Variants in TFCP2 observed in about 807,000 individuals in gnomAD.
TFCP2 encodes alpha-globin transcription factor CP2.
A neutral mutation model predicts 73.4 loss-of-function variants in TFCP2; 33 were observed. The observed-to-expected ratio is 0.45, with a 90% confidence interval of 0.34 to 0.60. TFCP2 has a LOEUF of 0.60. Among genes scored for constraint, TFCP2 ranks in the 20% least tolerant of loss-of-function variants. The probability of loss-of-function intolerance (pLI) is 0.01; values close to 1 mark genes in which losing one functional copy is unlikely to be tolerated. For missense variants in TFCP2, 352 were observed against 604.0 expected (o/e 0.58, Z 4.37); for synonymous variants, 193 against 211.6 (o/e 0.91, Z 0.76).
intron 1 of TFCP2, among the ~76,000 whole-genome samples, chr12:51,160,076 T>A (rs1480312242): frequency 1.3e-5 from 2 of 151,208 alleles, no homozygotes; most frequent in Admixed American, 6.6e-5. Context: ...ATCTTGGTGG[T>A]GGGGAGACAG....
rs202205153 is a variant in TFCP2 at position 51,115,242 on chromosome 12, CCTGGGT to C, written c.457+1067_457+1072del. ...TCACACCATTCTCCTGCCTCAGCCT[CCTGGGT>C]AGCTGGGACTACAGGCGCCCGCCAC... is the stretch of plus-strand genomic sequence containing the variant. On this transcript the variant is annotated intron_variant, in intron 4 of 14. Transcript: ENST00000257915. Among the ~76,000 whole-genome samples, 92 of 151,414 alleles carry C rather than the reference CCTGGGT, an allele frequency of 6.1e-4. 1 individual carries two copies. In the East Asian group the frequency reaches 0.017, roughly 27 times the overall value.
intron 1 of TFCP2, among the ~76,000 whole-genome samples, chr12:51,157,904 C>A (rs980118329): frequency 6.6e-6 from 1 of 152,012 alleles, no homozygotes; most frequent in African/African-American, 2.4e-5. Flanking sequence ...TCTCGAACTC[C>A]TGACCTCAGG....
chr12:51,139,513 G>A (rs1941141283), intron 1 of TFCP2, among the ~76,000 whole-genome samples: 1 of 151,942 alleles, frequency 6.6e-6, no homozygotes, highest in Non-Finnish European at 1.5e-5. Flanking sequence ...AAGTAGCTAG[G>A]ACTATAGGCA....
At chr12:51,132,355 G>GTTTTTTTT (rs1276335598) in intron 1 of TFCP2, among the ~76,000 whole-genome samples, 47 of 21,418 alleles carry the variant, frequency 2.2e-3, no homozygotes, top group Non-Finnish European at 3.6e-3. Context: ...TTAGGGATTA[G>GTTTTTTTT]TCTTTTTTTT....
rs1940124790 is a variant in TFCP2 at position 51,102,159 on chromosome 12, G to A, written c.1061-134C>T. The A allele has an allele frequency of 1.1e-5, 7 of 639,980 alleles. 1 individual carries two copies. In the South Asian group the frequency reaches 1.4e-4, roughly 13 times the overall value. 39.6% of individuals were successfully genotyped at this position (639,980 alleles called of 1,614,324 possible). A position where few individuals can be genotyped will look rare whatever the true frequency, so the allele number is the denominator to read the frequency against. ...CATAATTTTCTTCATGGCATATAAG[G>A]CCCTTCATGACCTGGCTCCTAGCTC... On this transcript the variant is annotated intron_variant, in intron 10 of 14. Transcript: ENST00000257915.
intron 1 of TFCP2, among the ~76,000 whole-genome samples, chr12:51,138,827 G>T (rs1279838157): frequency 2.6e-5 from 4 of 152,000 alleles, no homozygotes; most frequent in Admixed American, 2.0e-4. Context: ...CACTAGAGAC[G>T]GGGTTTCTCC....
chr12:51,164,619 T>G (rs1212211558), intron 1 of TFCP2, among the ~76,000 whole-genome samples: 1 of 134,002 alleles, frequency 7.5e-6, no homozygotes, highest in Non-Finnish European at 1.7e-5. Flanking sequence ...AAAAAAGTAA[T>G]TAACAAACTC....
At position 51,153,029 on chromosome 12, in the gene TFCP2, G is replaced by T. The variant is rs574458062; in HGVS notation, c.122+19272C>A. Among the ~76,000 whole-genome samples, 72 of 152,292 alleles carry T rather than the reference G, an allele frequency of 4.7e-4. 1 individual carries two copies. The South Asian group carries it at 0.013, about 28-fold the overall frequency. ...GAGGGATCAGGACTTGGGCAAAGGA[G>T]AACTATTTGCATTCTTTTTGTTTTC... On this transcript the variant is annotated intron_variant, in intron 1 of 14. Transcript: ENST00000257915.
chr12:51,118,922 G>T, intron 1 of TFCP2, 150 bp from the exon 2 acceptor site: 1 of 857,716 alleles, frequency 1.2e-6, no homozygotes, highest in Non-Finnish European at 1.8e-6. Context: ...TAGATTACCT[G>T]CTGTGATATC....
chr12:51,148,712 A>AAAAAG (rs1555254966), intron 1 of TFCP2, among the ~76,000 whole-genome samples: 2 of 149,178 alleles, frequency 1.3e-5, no homozygotes, highest in Non-Finnish European at 3.0e-5. Flanking sequence ...AAAAAAAAAA[A>AAAAAG]AAAGAAAAAG....
chr12:51,134,930 G>A (rs1592817188), intron 1 of TFCP2, among the ~76,000 whole-genome samples: 1 of 152,012 alleles, frequency 6.6e-6, no homozygotes, highest in East Asian at 1.9e-4. Flanking sequence ...GCAACATAGT[G>A]GGACCTTGTC....
At chr12:51,118,351 G>C (rs1940582948) in intron 2 of TFCP2, among the ~76,000 whole-genome samples, 1 of 152,120 alleles carries the variant, frequency 6.6e-6, no homozygotes, top group Admixed American at 6.5e-5. Context: ...TCAGGAGATC[G>C]AGACCATCCT....
At chr12:51,164,580 C>T (rs1479453121) in intron 1 of TFCP2, among the ~76,000 whole-genome samples, 1 of 132,554 alleles carries the variant, frequency 7.5e-6, no homozygotes, top group African/African-American at 2.8e-5. Context: ...CTGGGTGACA[C>T]AGCAAGACTC....
At chr12:51,168,809 ATT>A (rs34133154) in intron 1 of TFCP2, among the ~76,000 whole-genome samples, 3 of 148,700 alleles carry the variant, frequency 2.0e-5, no homozygotes, top group African/African-American at 7.4e-5. Context: ...TTTTTATTTC[ATT>A]TTTTTTTTGA....
intron 1 of TFCP2, among the ~76,000 whole-genome samples, chr12:51,124,183 A>G (rs893490986): frequency 6.6e-6 from 1 of 151,968 alleles, no homozygotes; most frequent in Non-Finnish European, 1.5e-5. Flanking sequence ...GCTGCCTTCA[A>G]TTCCTGGGTT....
At chr12:51,118,890 G>A in intron 1 of TFCP2, 118 bp from the exon 2 acceptor site, 1 of 1,176,366 alleles carries the variant, frequency 8.5e-7, no homozygotes, top group Non-Finnish European at 1.2e-6. Context: ...CCTTGGTGGA[G>A]TTTCATCCCA....
At chr12:51,165,366 C>T (rs1295466179) in intron 1 of TFCP2, among the ~76,000 whole-genome samples, 1 of 151,584 alleles carries the variant, frequency 6.6e-6, no homozygotes, top group Non-Finnish European at 1.5e-5. Context: ...ATAAGGAAAT[C>T]AATCAATGTG....
At chr12:51,156,569 C>A (rs1171408372) in intron 1 of TFCP2, among the ~76,000 whole-genome samples, 1 of 152,154 alleles carries the variant, frequency 6.6e-6, no homozygotes, top group Non-Finnish European at 1.5e-5. Flanking sequence ...ATGCTGACTT[C>A]ACAGAATGAA....
At chr12:51,113,105 C>T (rs1438049064) in intron 4 of TFCP2, among the ~76,000 whole-genome samples, 2 of 152,108 alleles carry the variant, frequency 1.3e-5, no homozygotes, top group Non-Finnish European at 2.9e-5. Context: ...ATTAACTATA[C>T]TACTGTTTTG....
Sources: allele counts gnomAD v4.1 joint callset (sites outside exome capture counted in the v4.1 genomes callset), GRCh38; gene constraint gnomAD v4.1.1; transcripts MANE v1.5; gene names NCBI Gene and HGNC (gene_info 2026-07-23, HGNC 2026-07-21).